TBC1D19: variants seen among roughly 807,000 people sequenced by gnomAD.
TBC1D19 encodes TBC1 domain family, member 19.
TBC1D19 carries 60 observed loss-of-function variants against 89.0 expected under a neutral mutation model. That is an observed-to-expected ratio of 0.67 (90% CI 0.55 to 0.84). TBC1D19 has a LOEUF of 0.84. Ranked by LOEUF, TBC1D19 falls within the 40% of genes least tolerant of loss-of-function variation. The probability of loss-of-function intolerance (pLI) is 0.00; values close to 1 mark genes in which losing one functional copy is unlikely to be tolerated. For synonymous variants in TBC1D19, 189 were observed against 199.7 expected, an observed-to-expected ratio of 0.95 and a Z score of 0.45; for missense variants, 500 against 610.8, an observed-to-expected ratio of 0.82 and a Z score of 1.91.
intron 10 of TBC1D19, among the ~76,000 whole-genome samples, chr4:26,673,442 T>TACACACACAC (rs1167477111): frequency 9.5e-3 from 139 of 14,682 alleles, no homozygotes; most frequent in Admixed American, 0.015. Context: ...TATATATATA[T>TACACACACAC]ATATACACAC....
chr4:26,629,243 A>G (rs13138712), intron 4 of TBC1D19, among the ~76,000 whole-genome samples: 69,164 of 151,886 alleles, frequency 0.46, 17,501 homozygotes, highest in Admixed American at 0.6. Flanking sequence ...GCTTCTGCAC[A>G]TCATTTATGT....
intron 11 of TBC1D19, among the ~76,000 whole-genome samples, chr4:26,681,559 T>A (rs115207010): frequency 0.027 from 4,016 of 151,412 alleles, 88 homozygotes; most frequent in African/African-American, 0.063. Context: ...TCAAAAAAAA[T>A]ATATATATAT....
chr4:26,681,573 G>A (rs919853432), intron 11 of TBC1D19, among the ~76,000 whole-genome samples: 1 of 151,730 alleles, frequency 6.6e-6, no homozygotes, highest in Admixed American at 6.6e-5. Flanking sequence ...TATATATACA[G>A]CCTTCAGTCT....
At position 26,711,239 on chromosome 4, in the gene TBC1D19, A is replaced by G. The variant is rs565374646; in HGVS notation, c.955-6694A>G. 3.0e-4 allele frequency among the ~76,000 whole-genome samples: 45 copies of G among 152,280 alleles called. No individual in the cohort carries two copies. The South Asian group carries it at 9.1e-3, about 31-fold the overall frequency. On this transcript the variant is annotated intron_variant, in intron 13 of 20. Transcript: ENST00000264866. ...AAGGGATCCAGTTTCAGCTTTCTAC[A>G]TATGGCTAGCCAGTTTTCCCAGCAC...
chr4:26,678,361 T>G (rs1226927180), intron 11 of TBC1D19, among the ~76,000 whole-genome samples: 1 of 152,188 alleles, frequency 6.6e-6, no homozygotes, highest in Non-Finnish European at 1.5e-5. Flanking sequence ...TTTGCCAAAG[T>G]TAAGGATGTG....
At chr4:26,761,445 T>G in the TBC1D19 span, among the ~76,000 whole-genome samples, 2 of 152,184 alleles carry the variant, frequency 1.3e-5, no homozygotes, top group South Asian at 4.1e-4. Context: ...TCCCTACTTC[T>G]TTCACATTTT....
intron 1 of TBC1D19, among the ~76,000 whole-genome samples, chr4:26,596,253 G>C (rs986257576): frequency 6.6e-6 from 1 of 152,234 alleles, no homozygotes; most frequent in African/African-American, 2.4e-5. Flanking sequence ...CACCGTGCTC[G>C]GCCCATACAG....
chr4:26,841,385 CAAAAAAA>C, the TBC1D19 span, among the ~76,000 whole-genome samples: 1 of 110,300 alleles, frequency 9.1e-6, no homozygotes, highest in Admixed American at 8.9e-5. Flanking sequence ...GACTCTGTCT[CAAAAAAA>C]AAAAAAAAAA....
At chr4:26,774,664 AACTT>A in the TBC1D19 span, among the ~76,000 whole-genome samples, 2 of 152,242 alleles carry the variant, frequency 1.3e-5, no homozygotes, top group Admixed American at 6.5e-5. Context: ...AACCTTGATA[AACTT>A]ACTTATTAGT....
chr4:26,844,937 C>T, the TBC1D19 span, among the ~76,000 whole-genome samples: 2 of 152,294 alleles, frequency 1.3e-5, no homozygotes, highest in Admixed American at 1.3e-4. Flanking sequence ...TTTCACATAC[C>T]AAGAACCTCT....
chr4:26,652,031 G>C (rs1269852344), intron 7 of TBC1D19, among the ~76,000 whole-genome samples: 1 of 151,944 alleles, frequency 6.6e-6, no homozygotes, highest in Non-Finnish European at 1.5e-5. Flanking sequence ...ATTTGCATGT[G>C]TTTAACCAGC....
At chr4:26,735,658 A>T (rs991786218) in intron 16 of TBC1D19, among the ~76,000 whole-genome samples, 171 bp downstream of exon 16, 4 of 152,144 alleles carry the variant, frequency 2.6e-5, no homozygotes, top group Non-Finnish European at 5.9e-5. Flanking sequence ...TTTTTTAATT[A>T]TTATTTTTAT....
Position 26,584,094 on chromosome 4 carries a change from G to C in TBC1D19, c.-100G>C. On this transcript the variant is annotated 5_prime_UTR_variant, in exon 1 of 21. Coordinates refer to ENST00000264866, the MANE Select transcript of TBC1D19 (RefSeq NM_018317.4). ...CGCTGGAGGAGTCCCAGTGTAATAAGGTCCCGGAGAAGTGTCACTGGCCCT... is the reference window on the plus strand; with the variant it reads ...CGCTGGAGGAGTCCCAGTGTAATAACGTCCCGGAGAAGTGTCACTGGCCCT... The C allele has an allele frequency of 1.7e-6, 2 of 1,186,052 alleles. No individual in the cohort carries two copies. The highest frequency in any genetic ancestry group is 2.4e-6 in the Non-Finnish European group (2 of 822,334). 73.5% of individuals were successfully genotyped at this position (1,186,052 alleles called of 1,614,324 possible).
intron 7 of TBC1D19, among the ~76,000 whole-genome samples, chr4:26,650,474 C>G (rs1744285930): frequency 6.6e-6 from 1 of 152,186 alleles, no homozygotes; most frequent in Admixed American, 6.5e-5. Context: ...TGATGATGAG[C>G]ATTTTTTCAC....
chr4:26,748,240 T>C (rs914381960), intron 18 of TBC1D19, among the ~76,000 whole-genome samples, 171 bp from the exon 19 acceptor site: 3 of 152,210 alleles, frequency 2.0e-5, no homozygotes, highest in African/African-American at 7.2e-5. Context: ...ATTTGAGGAC[T>C]TATGGTTTCT....
At chr4:26,642,504 A>G (rs964616472) in intron 7 of TBC1D19, among the ~76,000 whole-genome samples, 1 of 152,196 alleles carries the variant, frequency 6.6e-6, no homozygotes, top group Non-Finnish European at 1.5e-5. Flanking sequence ...ATCGATGCTA[A>G]GAAGAAACTG....
intron 1 of TBC1D19, among the ~76,000 whole-genome samples, chr4:26,612,058 C>T (rs1741409801): frequency 6.6e-6 from 1 of 151,972 alleles, no homozygotes; most frequent in African/African-American, 2.4e-5. Flanking sequence ...GTTTTCACTA[C>T]ATCAGATAGT....
At chr4:26,712,086 G>A (rs920745213) in intron 13 of TBC1D19, among the ~76,000 whole-genome samples, 2 of 152,050 alleles carry the variant, frequency 1.3e-5, no homozygotes, top group African/African-American at 4.8e-5. Flanking sequence ...CTAAGGGAAA[G>A]TTAATACAAA....
upstream of TBC1D19, chr4:26,584,017 G>A (rs1739248936): frequency 1.6e-6 from 1 of 622,530 alleles, no homozygotes; most frequent in Non-Finnish European, 2.8e-6. Context: ...TTCAGGCGCT[G>A]AGGGGACCAG....
Sources: allele counts gnomAD v4.1 joint callset (sites outside exome capture counted in the v4.1 genomes callset), GRCh38; gene constraint gnomAD v4.1.1; transcripts MANE v1.5; gene names NCBI Gene and HGNC (gene_info 2026-07-23, HGNC 2026-07-21).